Variants in HIPK2 observed in about 807,000 individuals in gnomAD.
The protein encoded by HIPK2 is homeodomain interacting protein kinase 2.
A neutral mutation model predicts 113.7 loss-of-function variants in HIPK2; 27 were observed. The ratio of observed to expected loss-of-function variants is 0.24; its 90% confidence interval spans 0.17 to 0.33. The LOEUF (loss-of-function observed/expected upper bound fraction) is 0.33, where lower values mean the gene tolerates loss of function less well. Among genes scored for constraint, HIPK2 ranks in the 10% least tolerant of loss-of-function variants. The probability of loss-of-function intolerance (pLI) is 1.00; values close to 1 mark genes in which losing one functional copy is unlikely to be tolerated. For missense variants in HIPK2, 1,257 were observed against 1,588.0 expected (o/e 0.79, Z 3.54); for synonymous variants, 631 against 642.2 (o/e 0.98, Z 0.26).
intron 2 of HIPK2, among the ~76,000 whole-genome samples, chr7:139,687,632 T>C (rs1794265859): frequency 6.6e-6 from 1 of 152,186 alleles, no homozygotes; most frequent in African/African-American, 2.4e-5. Context: ...TCCCATCCCA[T>C]CTCATCCTAT....
In HIPK2 at chr7:139,750,844, T is replaced by G. The variant is rs1250459041; in HGVS notation, c.19+26761A>C. 2.0e-5 allele frequency among the ~76,000 whole-genome samples: 3 copies of G among 152,214 alleles called. No individual in the cohort carries two copies. In the South Asian group the frequency reaches 6.2e-4, roughly 31 times the overall value. On this transcript the variant is annotated intron_variant, in intron 1 of 14. Coordinates refer to ENST00000406875, the MANE Select transcript of HIPK2 (RefSeq NM_022740.5). Reference sequence around the variant, plus strand: ...AGTTGAAAAGAACTAAAAAAATCTTTGCTCCTCTTGAGGACCTGGTGCACC... The same window carrying G: ...AGTTGAAAAGAACTAAAAAAATCTTGGCTCCTCTTGAGGACCTGGTGCACC...
At chr7:139,619,469 A>G (rs560912929) in intron 7 of HIPK2, among the ~76,000 whole-genome samples, 1 of 152,138 alleles carries the variant, frequency 6.6e-6, no homozygotes, top group African/African-American at 2.4e-5. Flanking sequence ...GTGTCATCCA[A>G]GTTTCAAGCA....
intron 12 of HIPK2, among the ~76,000 whole-genome samples, chr7:139,590,508 A>G (rs1398824175): frequency 6.6e-6 from 1 of 152,254 alleles, no homozygotes; most frequent in Non-Finnish European, 1.5e-5. Flanking sequence ...GACCAGGGTC[A>G]AAACTCATCT....
rs1799248327 is a variant in HIPK2, at chr7:139,597,085, C to T, written c.2436-87G>A. 2.1e-6 allele frequency: 3 copies of T among 1,414,364 alleles called. No individual in the cohort carries two copies. The South Asian group carries it at 4.1e-5, about 19-fold the overall frequency. The allele number at this position is 1,414,364 out of a possible 1,614,324, so 87.6% of individuals were successfully genotyped here. ...GAGCCCAATTGCCTAGAAACACCTG[C>T]TTTGCCAAATCTCTGTAAAACACGT... On this transcript the variant is annotated intron_variant, in intron 11 of 14. Coordinates refer to ENST00000406875, the MANE Select transcript of HIPK2 (RefSeq NM_022740.5).
At position 139,565,042 on chromosome 7, in the gene HIPK2, CATT is replaced by C. The variant is rs1277426099; in HGVS notation, c.*7882_*7884del. 1.3e-5 allele frequency: 2 copies of C among 152,086 alleles called. No individual in the cohort carries two copies. The highest frequency in any genetic ancestry group is 2.9e-5 in the Non-Finnish European group (2 of 68,016). The allele number at this position is 152,086 out of a possible 1,614,324, so 9.4% of individuals were successfully genotyped here. The stretch of plus-strand genomic sequence containing the variant: ...ACGATGACCGGGGGTATGAAGTAAT[CATT>C]ATTTTCAGCCCACAGAGAATTCATA... On this transcript the variant is annotated 3_prime_UTR_variant, in exon 15 of 15. Transcript: ENST00000406875.
In HIPK2 at chr7:139,777,745, G is replaced by A; in HGVS notation, c.-122C>T. ...CTGTGTCTCCGCTCTCGGCGCAGCCGAGGCCGCCCGCGCCCGCATCACCGC... is the reference window on the plus strand; with the variant it reads ...CTGTGTCTCCGCTCTCGGCGCAGCCAAGGCCGCCCGCGCCCGCATCACCGC... On this transcript the variant is annotated 5_prime_UTR_variant, in exon 1 of 15. Transcript: ENST00000406875. The A allele has an allele frequency of 1.1e-6, 1 of 942,494 alleles. No homozygotes were observed. Among genetic ancestry groups the A allele is most frequent in the Non-Finnish European group, 1.3e-6 (1 of 783,534 alleles). The allele number at this position is 942,494 out of a possible 1,614,324, so 58.4% of individuals were successfully genotyped here.
rs761805856 is a variant in HIPK2 at position 139,683,050 on chromosome 7, A to C, written c.1103+32882T>G. ...AAAGGAGAATGTGTGTTCTCTCTTA[A>C]ATATAAGGCATTTTTACCACCAACA... On this transcript the variant is annotated intron_variant, in intron 2 of 14. Transcript: ENST00000406875. The surrounding 1 kb of genome is among the most constrained non-coding windows in gnomAD (Gnocchi z 4.2). Among the ~76,000 whole-genome samples, 1 of 152,142 alleles carries C rather than the reference A, an allele frequency of 6.6e-6. No individual in the cohort carries two copies. Among genetic ancestry groups the C allele is most frequent in the Admixed American group, 6.5e-5 (1 of 15,282 alleles).
chr7:139,620,159 G>A (rs1800185792), intron 7 of HIPK2, among the ~76,000 whole-genome samples: 1 of 152,128 alleles, frequency 6.6e-6, no homozygotes, highest in Admixed American at 6.5e-5. Context: ...AAGCAGTAAG[G>A]GGAACCATCT....
intron 7 of HIPK2, among the ~76,000 whole-genome samples, chr7:139,620,164 C>T (rs991330428): frequency 6.6e-6 from 1 of 152,182 alleles, no homozygotes; most frequent in African/African-American, 2.4e-5. Context: ...GTAAGGGGAA[C>T]CATCTCAGAA....
chr7:139,689,604 G>A (rs1410505706), intron 2 of HIPK2, among the ~76,000 whole-genome samples: 1 of 152,144 alleles, frequency 6.6e-6, no homozygotes. Context: ...TGGGGGAGGT[G>A]TGCAGAAATG....
At chr7:139,771,496 G>T (rs1393518618) in intron 1 of HIPK2, among the ~76,000 whole-genome samples, 5 of 151,964 alleles carry the variant, frequency 3.3e-5, no homozygotes, top group African/African-American at 1.2e-4. Context: ...ACCAATCCAG[G>T]GCTGCGTAAG....
chr7:139,611,571 G>A (rs769431775), intron 9 of HIPK2, among the ~76,000 whole-genome samples: 8 of 151,572 alleles, frequency 5.3e-5, no homozygotes, highest in Admixed American at 2.0e-4. Flanking sequence ...AGACAGGGTC[G>A]TACCCTGTTG....
At chr7:139,649,930 G>GTTC (rs1801395143) in intron 2 of HIPK2, among the ~76,000 whole-genome samples, 1 of 152,164 alleles carries the variant, frequency 6.6e-6, no homozygotes, top group African/African-American at 2.4e-5. Flanking sequence ...AAAAGCAAGG[G>GTTC]TTCTTCTGTT....
intron 1 of HIPK2, among the ~76,000 whole-genome samples, chr7:139,754,296 T>C (rs1465391970): frequency 6.6e-6 from 1 of 152,256 alleles, no homozygotes; most frequent in Admixed American, 6.5e-5. Context: ...GCTCAATTAA[T>C]GTCATCTCAC....
At chr7:139,675,882 C>A (rs985178924) in intron 2 of HIPK2, among the ~76,000 whole-genome samples, 1 of 152,206 alleles carries the variant, frequency 6.6e-6, no homozygotes, top group Admixed American at 6.5e-5. Context: ...GATGCCTGAA[C>A]AGATGGCTGT....
intron 13 of HIPK2, among the ~76,000 whole-genome samples, chr7:139,575,698 A>G (rs1044895213): frequency 6.6e-6 from 1 of 152,224 alleles, no homozygotes; most frequent in Admixed American, 6.5e-5. Context: ...CTTAGTCCCC[A>G]GTGCAAGTGT....
chr7:139,581,848 G>T (rs919286068), intron 13 of HIPK2, among the ~76,000 whole-genome samples: 2 of 152,218 alleles, frequency 1.3e-5, no homozygotes, highest in African/African-American at 4.8e-5. Flanking sequence ...CCCGCATATG[G>T]TATGAGTTCA....
intron 7 of HIPK2, among the ~76,000 whole-genome samples, chr7:139,617,191 G>A (rs1184538957): frequency 6.6e-6 from 1 of 152,208 alleles, no homozygotes; most frequent in East Asian, 1.9e-4. Context: ...AGAGAACTGG[G>A]AAGAGCTCTT....
At chr7:139,729,498 G>A (rs1252009350) in intron 1 of HIPK2, among the ~76,000 whole-genome samples, 2 of 152,178 alleles carry the variant, frequency 1.3e-5, no homozygotes, top group South Asian at 2.1e-4. Flanking sequence ...GGCTGGCAGT[G>A]GGCGGCCAAG....
Sources: allele counts gnomAD v4.1 joint callset (sites outside exome capture counted in the v4.1 genomes callset), GRCh38; gene constraint gnomAD v4.1.1; non-coding constraint Gnocchi (gnomAD v3.1); transcripts MANE v1.5; gene names NCBI Gene and HGNC (gene_info 2026-07-23, HGNC 2026-07-21).